BMPR1A: variants seen among roughly 807,000 people sequenced by gnomAD.
The protein encoded by BMPR1A is bone morphogenetic protein receptor type 1A.
A neutral mutation model predicts 66.0 loss-of-function variants in BMPR1A; 7 were observed. The ratio of observed to expected loss-of-function variants is 0.11; its 90% CI spans 0.06 to 0.20. The LOEUF (loss-of-function observed/expected upper bound fraction) is 0.20, where lower values mean the gene tolerates loss of function less well. BMPR1A is among the 10% of genes least tolerant of loss of function. The pLI, the probability that BMPR1A is intolerant of heterozygous loss-of-function variation, is 1.00. For synonymous variants in BMPR1A, 200 were observed against 229.7 expected, an observed-to-expected ratio of 0.87 and a Z score of 1.17; for missense variants, 408 against 669.1, an observed-to-expected ratio of 0.61 and a Z score of 4.31.
chr10:86,825,655 T>C (rs1193044009), intron 1 of BMPR1A, among the ~76,000 whole-genome samples: 2 of 152,094 alleles, frequency 1.3e-5, no homozygotes, highest in African/African-American at 2.4e-5. Flanking sequence ...TTAACATTTT[T>C]TTGTGGAAAT....
chr10:86,777,623 TTAA>T (rs1410603161), intron 1 of BMPR1A, among the ~76,000 whole-genome samples: 2 of 152,130 alleles, frequency 1.3e-5, no homozygotes, highest in African/African-American at 4.8e-5. Flanking sequence ...TTAACAATTA[TTAA>T]GTATACATCA....
intron 1 of BMPR1A, among the ~76,000 whole-genome samples, chr10:86,822,925 G>A (rs950351783): frequency 1.2e-4 from 18 of 152,026 alleles, no homozygotes; most frequent in African/African-American, 4.3e-4. Context: ...CCACTGTGCC[G>A]GCCTGAGCTT....
At chr10:86,931,742 A>C (rs1431630537), downstream of BMPR1A, 2 of 152,188 alleles carry the variant, frequency 1.3e-5, no homozygotes, top group African/African-American at 2.4e-5. Flanking sequence ...GAAACTGGCC[A>C]TATCTAAATA....
chr10:86,818,558 G>A (rs974943745), intron 1 of BMPR1A, among the ~76,000 whole-genome samples: 2 of 152,170 alleles, frequency 1.3e-5, no homozygotes, highest in Admixed American at 1.3e-4. Flanking sequence ...GTTAACTGAG[G>A]ATTAGTGCTA....
Position 86,923,770 on chromosome 10 carries a change from C to T in BMPR1A, c.*51C>T. ...CTAGACTGCAAGAACTGTTTTTACC[C>T]ATGGCATGGGTGGAATTAGAGTGGA... is the stretch of plus-strand genomic sequence containing the variant. On this transcript the variant is annotated 3_prime_UTR_variant, in exon 13 of 13. Coordinates refer to ENST00000372037, the MANE Select transcript of BMPR1A (RefSeq NM_004329.3). 5 of 1,604,702 alleles carry T rather than the reference C, an allele frequency of 3.1e-6. No individual in the cohort carries two copies. The highest frequency in any genetic ancestry group is 3.4e-6 in the Non-Finnish European group (4 of 1,173,464).
chr10:86,921,205 T>TCA (rs1195829545), intron 10 of BMPR1A, among the ~76,000 whole-genome samples: 1 of 152,088 alleles, frequency 6.6e-6, no homozygotes, highest in East Asian at 1.9e-4. Context: ...CCAGACTTAT[T>TCA]TAGTGACAAA....
At chr10:86,831,461 T>C (rs1476925540) in intron 1 of BMPR1A, among the ~76,000 whole-genome samples, 3 of 152,242 alleles carry the variant, frequency 2.0e-5, no homozygotes, top group Non-Finnish European at 2.9e-5. Context: ...TTTTCTTTTT[T>C]ATATAACAGT....
intron 3 of BMPR1A, among the ~76,000 whole-genome samples, chr10:86,881,988 TA>T (rs898754455): frequency 7.2e-5 from 11 of 152,028 alleles, no homozygotes; most frequent in African/African-American, 2.7e-4. Context: ...TTAGGTGTGA[TA>T]ACTGTGTTTT....
intron 8 of BMPR1A, among the ~76,000 whole-genome samples, chr10:86,916,754 C>T (rs1054754693): frequency 5.9e-5 from 9 of 151,970 alleles, no homozygotes; most frequent in East Asian, 1.9e-4. Context: ...TATGGGAGGC[C>T]GGGGGTGGGG....
At position 86,926,035 on chromosome 10, in the gene BMPR1A, T is replaced by A; in HGVS notation, c.*2316T>A. ...AAAATATAAAGACAGGCAAAGTTTA[T>A]TGGAAATGTTCAAATGGTGTGTGGA... On this transcript the variant is annotated 3_prime_UTR_variant, in exon 13 of 13. Coordinates refer to ENST00000372037, the MANE Select transcript of BMPR1A (RefSeq NM_004329.3). 1 of 173,052 alleles carries A rather than the reference T, an allele frequency of 5.8e-6. No individual in the cohort carries two copies. The highest frequency in any genetic ancestry group is 6.4e-5 in the Admixed American group (1 of 15,748). 10.7% of individuals were successfully genotyped at this position (173,052 alleles called of 1,614,324 possible).
intron 1 of BMPR1A, among the ~76,000 whole-genome samples, chr10:86,790,181 AAAAAAAAATATATATATATATATATAT>A (rs1841585742): frequency 2.4e-5 from 1 of 42,362 alleles, no homozygotes; most frequent in Non-Finnish European, 3.8e-5. Context: ...AAAAAAAAAA[AAAAAAAAATATATATATATATATATAT>A]ATATATATAT....
intron 1 of BMPR1A, among the ~76,000 whole-genome samples, chr10:86,783,676 A>G (rs1015412158): frequency 6.6e-6 from 1 of 152,162 alleles, no homozygotes; most frequent in Non-Finnish European, 1.5e-5. Context: ...GCCACCTCCC[A>G]CTGCTGGGCT....
intron 2 of BMPR1A, among the ~76,000 whole-genome samples, chr10:86,864,212 A>AT (rs1187632636): frequency 6.6e-6 from 1 of 152,216 alleles, no homozygotes; most frequent in Non-Finnish European, 1.5e-5. Flanking sequence ...AGACAGGCAC[A>AT]TGCACACTAG....
rs1589752897 is a variant in BMPR1A at position 86,866,399 on chromosome 10, C to CTTTTTTTTTTTCTTTTTTTTTTTTTTTTT, written c.-152-9457_-152-9456insCTTTTTTTTTTTTTTTTTTTTTTTTTTTT. 1.3e-4 allele frequency among the ~76,000 whole-genome samples: 9 copies of CTTTTTTTTTTTCTTTTTTTTTTTTTTTTT among 69,464 alleles called. 2 individuals are homozygous for CTTTTTTTTTTTCTTTTTTTTTTTTTTTTT. Among genetic ancestry groups the CTTTTTTTTTTTCTTTTTTTTTTTTTTTTT allele is most frequent in the Non-Finnish European group, 1.4e-4 (5 of 34,694 alleles). 45.6% of individuals were successfully genotyped at this position (69,464 alleles called of 152,430 possible). A position where few individuals can be genotyped will look rare whatever the true frequency, so the allele number is the denominator to read the frequency against. On this transcript the variant is annotated intron_variant, in intron 2 of 12. Transcript: ENST00000372037. The stretch of plus-strand genomic sequence containing the variant: ...TGTGTTAAGTTGGGCAAGTTTCTTT[C>CTTTTTTTTTTTCTTTTTTTTTTTTTTTTT]TTTTTTTTTTTTTTTTTTTTTTTTT...
At chr10:86,793,103 C>G (rs969804071) in intron 1 of BMPR1A, among the ~76,000 whole-genome samples, 6 of 137,416 alleles carry the variant, frequency 4.4e-5, no homozygotes, top group African/African-American at 8.2e-5. Flanking sequence ...TACCCCCCCC[C>G]ACCCCCCGCC....
rs147288069 is a variant in BMPR1A at position 86,845,324 on chromosome 10, T to C, written c.-153+6345T>C. Among the ~76,000 whole-genome samples, 801 of 152,316 alleles carry C rather than the reference T, an allele frequency of 5.3e-3. 11 individuals are homozygous for C. Among genetic ancestry groups the C allele is most frequent in the African/African-American group, 0.019 (774 of 41,562 alleles). On this transcript the variant is annotated intron_variant, in intron 2 of 12. Coordinates refer to ENST00000372037, the MANE Select transcript of BMPR1A (RefSeq NM_004329.3). Reference sequence around the variant, plus strand: ...CAGCCCTGTGGGTGTCTTCTGAATGTACCTCACTGTTGTCCCACCAAAGGA... The same window carrying C: ...CAGCCCTGTGGGTGTCTTCTGAATGCACCTCACTGTTGTCCCACCAAAGGA...
At chr10:86,864,328 TGGTC>T (rs1052855710) in intron 2 of BMPR1A, among the ~76,000 whole-genome samples, 2 of 152,236 alleles carry the variant, frequency 1.3e-5, no homozygotes, top group African/African-American at 2.4e-5. Flanking sequence ...ATTCCCTTGA[TGGTC>T]GGTTTAGGAG....
chr10:86,914,089 G>A (rs1385677344), intron 8 of BMPR1A, among the ~76,000 whole-genome samples: 1 of 150,946 alleles, frequency 6.6e-6, no homozygotes, highest in African/African-American at 2.4e-5. Flanking sequence ...GTTTAGAAAG[G>A]AACATGCACT....
intron 3 of BMPR1A, among the ~76,000 whole-genome samples, chr10:86,879,430 T>C (rs542350971): frequency 6.6e-6 from 1 of 152,328 alleles, no homozygotes; most frequent in East Asian, 1.9e-4. Flanking sequence ...CCAACGATTA[T>C]CTCTGCTGAG....
Sources: allele counts gnomAD v4.1 joint callset (sites outside exome capture counted in the v4.1 genomes callset), GRCh38; gene constraint gnomAD v4.1.1; transcripts MANE v1.5; gene names NCBI Gene and HGNC (gene_info 2026-07-23, HGNC 2026-07-21).